Variants in RIMS2 observed in about 807,000 individuals in gnomAD.
RIMS2 encodes the protein regulating synaptic membrane exocytosis 2, also known as regulating synaptic membrane exocytosis protein 2.
Under a neutral mutation model 174.4 loss-of-function variants are expected in RIMS2, and 59 were observed. That is an observed-to-expected ratio of 0.34 (90% confidence interval 0.27 to 0.42). The LOEUF (loss-of-function observed/expected upper bound fraction) is 0.42, where lower values mean the gene tolerates loss of function less well. RIMS2 is among the 10% of genes least tolerant of loss of function. The pLI, the probability that RIMS2 is intolerant of heterozygous loss-of-function variation, is 1.00. For missense variants in RIMS2, 1,620 were observed against 1,666.3 expected (o/e 0.97, Z 0.48); for synonymous variants, 606 against 572.5 (o/e 1.06, Z -0.84).
chr8:103,933,334 C>A (rs933887063), intron 12 of RIMS2, among the ~76,000 whole-genome samples: 2 of 124,534 alleles, frequency 1.6e-5, no homozygotes, highest in South Asian at 2.4e-4. Flanking sequence ...CACACACACA[C>A]AATTAGCCAG....
At chr8:103,500,938 T>C (rs1296612197) in exon 1 of RIMS2, 1 of 1,607,692 alleles carries the variant, frequency 6.2e-7, no homozygotes, top group African/African-American at 1.3e-5. Flanking sequence ...CCCGGCGGCC[T>C]CTCAGCCGCC....
chr8:104,232,741 T>G (rs1343354927), intron 19 of RIMS2, among the ~76,000 whole-genome samples: 1 of 152,216 alleles, frequency 6.6e-6, no homozygotes, highest in Non-Finnish European at 1.5e-5. Context: ...GTGTCTCTGC[T>G]TCTTTGCTTT....
chr8:103,855,132 T>C (rs528131978), intron 3 of RIMS2, among the ~76,000 whole-genome samples: 1 of 152,082 alleles, frequency 6.6e-6, no homozygotes, highest in Non-Finnish European at 1.5e-5. Flanking sequence ...CTGTATTTTC[T>C]AGTTTTTGTG....
At chr8:103,892,856 G>A (rs1024429989) in intron 4 of RIMS2, among the ~76,000 whole-genome samples, 1 of 152,014 alleles carries the variant, frequency 6.6e-6, no homozygotes, top group Admixed American at 6.6e-5. Flanking sequence ...TTGGAATTCA[G>A]TAGAGGATGC....
At position 103,573,065 on chromosome 8, in the gene RIMS2, A is replaced by AT. The variant is rs1209242777; in HGVS notation, c.176+72003_176+72004insT. On this transcript the variant is annotated intron_variant, in intron 1 of 23. Transcript: ENST00000504942. The stretch of plus-strand genomic sequence containing the variant: ...ACCCCTACATTTAAGTCTTCAATCC[A>AT]ATTTTTTTTTTCTAGATAGAGTCTC... Among the ~76,000 whole-genome samples, 261 of 145,142 alleles carry AT rather than the reference A, an allele frequency of 1.8e-3. 1 individual carries two copies. Among genetic ancestry groups the AT allele is most frequent in the African/African-American group, 6.6e-3 (251 of 38,156 alleles).
At chr8:103,546,762 TGCAG>T (rs1845311934) in intron 1 of RIMS2, among the ~76,000 whole-genome samples, 1 of 152,186 alleles carries the variant, frequency 6.6e-6, no homozygotes, top group South Asian at 2.1e-4. Context: ...ATGTGCTCTC[TGCAG>T]GGGTGCTGGC....
chr8:103,555,771 G>A (rs947885714), intron 1 of RIMS2, among the ~76,000 whole-genome samples: 1 of 149,710 alleles, frequency 6.7e-6, no homozygotes, highest in African/African-American at 2.5e-5. Flanking sequence ...CTGCAGCCTG[G>A]GTGTCAGAGC....
At chr8:103,502,818 C>T (rs1821023750) in intron 1 of RIMS2, among the ~76,000 whole-genome samples, 1 of 151,854 alleles carries the variant, frequency 6.6e-6, no homozygotes. Flanking sequence ...GTTTTTATTT[C>T]TTCATAGTAG....
intron 3 of RIMS2, among the ~76,000 whole-genome samples, chr8:103,821,416 T>C (rs905778193): frequency 6.6e-6 from 1 of 151,730 alleles, no homozygotes; most frequent in African/African-American, 2.4e-5. Flanking sequence ...AAGTAATTTA[T>C]CTTGCTTTAG....
intron 4 of RIMS2, among the ~76,000 whole-genome samples, chr8:103,905,775 C>CTTT (rs60157494): frequency 1.1e-4 from 13 of 122,044 alleles, no homozygotes; most frequent in African/African-American, 3.3e-4. Context: ...ATTTTCTTTT[C>CTTT]TTTTTTTTTT....
chr8:103,954,598 A>T (rs1451391006), intron 14 of RIMS2, among the ~76,000 whole-genome samples: 1 of 152,224 alleles, frequency 6.6e-6, no homozygotes, highest in African/African-American at 2.4e-5. Context: ...GACACATTTA[A>T]AGCAGTGTGT....
In RIMS2 at chr8:103,608,535, C is replaced by T. The variant is rs551488985; in HGVS notation, c.177-88551C>T. On this transcript the variant is annotated intron_variant, in intron 1 of 23. Coordinates refer to ENST00000504942, the Ensembl canonical transcript of RIMS2. The stretch of plus-strand genomic sequence containing the variant: ...TGGGCTCCACCCAGTTCGAGCTTCC[C>T]GCTGCTTTGTTTACCTAAGCAAGCC... Among the ~76,000 whole-genome samples the T allele has an allele frequency of 7.7e-5, 10 of 130,430 alleles. 1 individual carries two copies. The highest frequency in any genetic ancestry group is 3.9e-4 in the East Asian group (2 of 5,158). 85.6% of individuals were successfully genotyped at this position (130,430 alleles called of 152,430 possible).
At chr8:103,812,821 C>G (rs1352953476) in intron 3 of RIMS2, among the ~76,000 whole-genome samples, 2 of 152,182 alleles carry the variant, frequency 1.3e-5, no homozygotes, top group Admixed American at 1.3e-4. Context: ...GAATACTTTA[C>G]AACAGAGTAC....
At chr8:103,500,664 G>C, upstream of RIMS2, 1 of 484,124 alleles carries the variant, frequency 2.1e-6, no homozygotes, top group Middle Eastern at 5.3e-4. Flanking sequence ...CCGGGAAGAA[G>C]AAACATTTCC....
intron 2 of RIMS2, among the ~76,000 whole-genome samples, chr8:103,697,870 C>T (rs536847117): frequency 2.9e-4 from 44 of 152,146 alleles, no homozygotes; most frequent in Admixed American, 2.4e-3. Context: ...ACTAAAAATA[C>T]AAGAGTTAGC....
At chr8:103,602,766 C>A (rs151141164) in intron 1 of RIMS2, among the ~76,000 whole-genome samples, 2 of 152,146 alleles carry the variant, frequency 1.3e-5, no homozygotes, top group Non-Finnish European at 2.9e-5. Context: ...AATGACCATA[C>A]ACAAGTATGT....
intron 1 of RIMS2, among the ~76,000 whole-genome samples, chr8:103,667,040 G>A (rs1239832091): frequency 1.3e-5 from 2 of 152,154 alleles, no homozygotes; most frequent in Non-Finnish European, 2.9e-5. Flanking sequence ...CTGTCAGGAG[G>A]ATAATACCAA....
chr8:103,894,005 A>G (rs1323708224), intron 4 of RIMS2, among the ~76,000 whole-genome samples: 1 of 152,090 alleles, frequency 6.6e-6, no homozygotes, highest in Non-Finnish European at 1.5e-5. Flanking sequence ...GGCACCATGG[A>G]ATGTGGATCA....
intron 1 of RIMS2, among the ~76,000 whole-genome samples, chr8:103,551,327 A>G (rs1847798974): frequency 1.3e-5 from 2 of 152,216 alleles, no homozygotes; most frequent in African/African-American, 2.4e-5. Flanking sequence ...TCCATCACAT[A>G]AACAGAATCA....
Sources: gnomAD v4.1 joint callset for allele counts (sites outside exome capture counted in the v4.1 genomes callset) on GRCh38, gnomAD v4.1.1 for gene constraint, MANE v1.5 for transcripts, NCBI Gene and HGNC (gene_info 2026-07-23, HGNC 2026-07-21) for gene names.